Variants in LRP1B observed in about 807,000 individuals in gnomAD.
LRP1B encodes LDL receptor related protein 1B, also known as low-density lipoprotein receptor-related protein 1B.
In LRP1B, 217 loss-of-function variants were observed where a neutral mutation model predicts 556.6. That is an observed-to-expected ratio of 0.39 (90% CI 0.35 to 0.44). The LOEUF is 0.44. Among genes scored for constraint, LRP1B ranks in the 20% least tolerant of loss-of-function variants. The pLI is 1.00. For synonymous variants in LRP1B, 2,047 were observed against 1,865.8 expected (o/e 1.10, Z -2.50); for missense variants, 5,053 against 5,620.8 (o/e 0.90, Z 3.23).
chr2:141,535,481 G>C (rs1422518898), intron 2 of LRP1B, among the ~76,000 whole-genome samples: 3 of 151,716 alleles, frequency 2.0e-5, no homozygotes, highest in Non-Finnish European at 4.4e-5. Context: ...TCTCCTATGA[G>C]CTTTTTCTAC....
chr2:140,351,586 G>C (rs908758494), intron 76 of LRP1B, among the ~76,000 whole-genome samples: 67 of 151,980 alleles, frequency 4.4e-4, no homozygotes, highest in African/African-American at 1.5e-3. Flanking sequence ...AAATTATCTA[G>C]AATCCTGCTA....
intron 14 of LRP1B, among the ~76,000 whole-genome samples, chr2:141,009,484 G>A (rs1003809038): frequency 6.6e-6 from 1 of 151,870 alleles, no homozygotes; most frequent in Non-Finnish European, 1.5e-5. Flanking sequence ...GTGTGTGTGT[G>A]TAACTATATT....
chr2:141,953,981 A>T lies in LRP1B; in HGVS notation c.83-143580T>A, dbSNP rs147024718. Among the ~76,000 whole-genome samples, 106 of 152,222 alleles carry T rather than the reference A, an allele frequency of 7.0e-4. 2 individuals are homozygous for T. In the East Asian group the frequency reaches 0.019, roughly 27 times the overall value. On this transcript the variant is annotated intron_variant, in intron 1 of 90. Transcript: ENST00000389484. ...GTCAATTAAAATTCCTATTACTTTA[A>T]TATTTTCTCAAAACATCTGATCCTT...
chr2:141,829,314 G>A (rs1697035660), intron 1 of LRP1B, among the ~76,000 whole-genome samples: 1 of 151,964 alleles, frequency 6.6e-6, no homozygotes, highest in African/African-American at 2.4e-5. Flanking sequence ...TAACTCAAGT[G>A]AGTAAAAAAC....
intron 7 of LRP1B, among the ~76,000 whole-genome samples, chr2:141,185,904 C>A (rs968791296): frequency 1.3e-5 from 2 of 151,268 alleles, no homozygotes; most frequent in Non-Finnish European, 2.9e-5. Flanking sequence ...TGTGGTGAAA[C>A]CCCATCTCTA....
chr2:141,431,157 A>G (rs1234831858), intron 3 of LRP1B, among the ~76,000 whole-genome samples: 1 of 151,888 alleles, frequency 6.6e-6, no homozygotes, highest in African/African-American at 2.4e-5. Flanking sequence ...AAATAAATAA[A>G]TAAATAAATG....
intron 6 of LRP1B, among the ~76,000 whole-genome samples, chr2:141,193,352 C>A (rs1401309): frequency 1.3e-5 from 2 of 151,932 alleles, no homozygotes; most frequent in African/African-American, 4.8e-5. Flanking sequence ...AAATGCTCAT[C>A]GTGACTGATT....
chr2:141,189,629 T>C (rs190445986), intron 6 of LRP1B, among the ~76,000 whole-genome samples: 1 of 151,540 alleles, frequency 6.6e-6, no homozygotes, highest in African/African-American at 2.4e-5. Flanking sequence ...GGCCTCAGCT[T>C]CTTCCTTTTA....
At chr2:141,703,937 C>A (rs1692048385) in intron 2 of LRP1B, among the ~76,000 whole-genome samples, 1 of 152,000 alleles carries the variant, frequency 6.6e-6, no homozygotes, top group East Asian at 1.9e-4. Flanking sequence ...CTGAAGTTGC[C>A]ACTCCCATTC....
chr2:140,293,748 T>C (rs1054527991), intron 84 of LRP1B, among the ~76,000 whole-genome samples: 3 of 152,162 alleles, frequency 2.0e-5, no homozygotes, highest in Non-Finnish European at 2.9e-5. Context: ...AATGCCACTG[T>C]CCACAGACTT....
intron 3 of LRP1B, among the ~76,000 whole-genome samples, chr2:141,289,826 T>A (rs1298752213): frequency 6.6e-6 from 1 of 152,166 alleles, no homozygotes; most frequent in South Asian, 2.1e-4. Flanking sequence ...CTGTAGAAAA[T>A]CCGAATATTT....
rs144092976 is a variant in LRP1B, at chr2:140,820,138, A to G, written c.5210-6332T>C. Among the ~76,000 whole-genome samples, 372 of 151,550 alleles carry G rather than the reference A, an allele frequency of 2.5e-3. 3 individuals carry two copies. Among genetic ancestry groups the G allele is most frequent in the African/African-American group, 8.1e-3 (331 of 40,982 alleles). On this transcript the variant is annotated intron_variant, in intron 31 of 90. Coordinates refer to ENST00000389484, the MANE Select transcript of LRP1B (RefSeq NM_018557.3). ...CTTCAGCCTCCCATACCGCCCTGCT[A>G]ATTTTTTGTATTAAATATTTTTTGT...
chr2:140,696,065 TTAAAACA>T (rs1340561794), intron 41 of LRP1B, among the ~76,000 whole-genome samples: 2 of 152,208 alleles, frequency 1.3e-5, no homozygotes, highest in Non-Finnish European at 2.9e-5. Context: ...AGTTAAATAC[TTAAAACA>T]TGAATACTTA....
At position 140,982,259 on chromosome 2, in the gene LRP1B, C is replaced by T. The variant is rs749031769; in HGVS notation, c.2788G>A (p.Asp930Asn). 6.8e-6 allele frequency: 11 copies of T among 1,612,940 alleles called. No individual in the cohort carries two copies. The highest frequency in any genetic ancestry group is 1.1e-5 in the South Asian group (1 of 91,052). The stretch of plus-strand genomic sequence containing the variant: ...CGCCCATTTCCGCAAGAAAACTGGT[C>T]TACCTGGCATGTTCTGGCTATGATG... ...QTCTARTCQVDQFSCGNGRCI... is the reference protein window; with the variant it reads ...QTCTARTCQVNQFSCGNGRCI... Residue 930 changes from aspartate (D) to asparagine (N), a missense_variant, in exon 18 of 91, where the codon GAC (aspartate) becomes AAC (asparagine). By Grantham distance (23) the Asp-to-Asn change is conservative. Transcript: ENST00000389484.
intron 2 of LRP1B, among the ~76,000 whole-genome samples, chr2:141,657,454 G>T (rs1048318330): frequency 5.9e-5 from 9 of 152,018 alleles, no homozygotes; most frequent in African/African-American, 1.9e-4. Context: ...AATAGCAATT[G>T]CCATTAAATG....
At chr2:140,780,889 G>A (rs1689674427) in intron 32 of LRP1B, among the ~76,000 whole-genome samples, 1 of 152,140 alleles carries the variant, frequency 6.6e-6, no homozygotes, top group South Asian at 2.1e-4. Flanking sequence ...GAGACACTGT[G>A]GTTGTTTACC....
intron 2 of LRP1B, among the ~76,000 whole-genome samples, chr2:141,490,667 A>C (rs1683298572): frequency 6.6e-6 from 1 of 152,120 alleles, no homozygotes; most frequent in Non-Finnish European, 1.5e-5. Context: ...GCAAATAGAT[A>C]AGAAAATAAA....
In LRP1B at chr2:140,328,064, TTCATGTCTATCTTTAAAATA is replaced by T. The variant is rs1246451731; in HGVS notation, c.12224-2206_12224-2187del. 2.0e-5 allele frequency among the ~76,000 whole-genome samples: 3 copies of T among 152,114 alleles called. No individual in the cohort carries two copies. In the East Asian group the frequency reaches 5.8e-4, roughly 29 times the overall value. ...GAGAATCAAGTTTATATGAAAAAAG[TTCATGTCTATCTTTAAAATA>T]TCATGTCTTCTTTTGCTCTGTAATA... On this transcript the variant is annotated intron_variant, in intron 79 of 90. Coordinates refer to ENST00000389484, the MANE Select transcript of LRP1B (RefSeq NM_018557.3).
At chr2:140,559,126 G>A (rs1048065657) in intron 43 of LRP1B, among the ~76,000 whole-genome samples, 11 of 151,794 alleles carry the variant, frequency 7.2e-5, no homozygotes, top group African/African-American at 2.7e-4. Context: ...TGTAATACAA[G>A]GACAATTGAA....
Sources: allele counts gnomAD v4.1 joint callset (sites outside exome capture counted in the v4.1 genomes callset), GRCh38; gene constraint gnomAD v4.1.1; transcripts MANE v1.5; gene names NCBI Gene and HGNC (gene_info 2026-07-23, HGNC 2026-07-21).